Variants in PLPPR1 observed in about 807,000 individuals in gnomAD.
The protein encoded by PLPPR1 is phospholipid phosphatase-related protein type 1.
A neutral mutation model predicts 33.1 loss-of-function variants in PLPPR1; 10 were observed. The ratio of observed to expected loss-of-function variants is 0.30; its 90% CI spans 0.19 to 0.51. The LOEUF is 0.51. PLPPR1 is among the 20% of genes least tolerant of loss of function. The pLI, the probability that PLPPR1 is intolerant of heterozygous loss-of-function variation, is 0.97. For missense variants in PLPPR1, 304 were observed against 408.1 expected, an observed-to-expected ratio of 0.74 and a Z score of 2.20; for synonymous variants, 151 against 151.0, an observed-to-expected ratio of 1.00 and a Z score of 0.00.
chr9:101,119,045 T>C (rs1021622125), intron 1 of PLPPR1, among the ~76,000 whole-genome samples: 15 of 152,274 alleles, frequency 9.9e-5, no homozygotes, highest in Admixed American at 2.6e-4. Flanking sequence ...TCTCCAATAC[T>C]AAAATCAAGC....
At chr9:101,114,931 A>C (rs923352941) in intron 1 of PLPPR1, among the ~76,000 whole-genome samples, 8 of 152,204 alleles carry the variant, frequency 5.3e-5, no homozygotes, top group Non-Finnish European at 1.0e-4. Context: ...GAACTTATTC[A>C]GTACCTTTGA....
At chr9:101,189,814 G>T (rs1826263808) in intron 2 of PLPPR1, among the ~76,000 whole-genome samples, 1 of 151,926 alleles carries the variant, frequency 6.6e-6, no homozygotes, top group African/African-American at 2.4e-5. Flanking sequence ...CATTTTCTGT[G>T]CTTATGGTTT....
intron 1 of PLPPR1, among the ~76,000 whole-genome samples, chr9:101,042,507 A>T (rs1830088365): frequency 6.6e-6 from 1 of 152,154 alleles, no homozygotes; most frequent in African/African-American, 2.4e-5. Context: ...CCCTCATGCC[A>T]CATTGGACAC....
At chr9:101,050,165 C>G (rs954756395) in intron 1 of PLPPR1, among the ~76,000 whole-genome samples, 20 of 147,658 alleles carry the variant, frequency 1.4e-4, no homozygotes, top group Non-Finnish European at 4.5e-5. Context: ...AAGCAATTCT[C>G]TGAGTTTTTT....
At chr9:101,164,963 G>A (rs1231047335) in intron 1 of PLPPR1, among the ~76,000 whole-genome samples, 1 of 151,988 alleles carries the variant, frequency 6.6e-6, no homozygotes, top group African/African-American at 2.4e-5. Flanking sequence ...AGAGGGAGTT[G>A]GAGCTAAAGG....
intron 2 of PLPPR1, among the ~76,000 whole-genome samples, chr9:101,198,024 G>A (rs555968282): frequency 2.5e-4 from 38 of 152,234 alleles, no homozygotes; most frequent in African/African-American, 9.1e-4. Context: ...TCACTTGTCA[G>A]TCTTGTTTAG....
intron 3 of PLPPR1, among the ~76,000 whole-genome samples, chr9:101,272,642 T>C (rs1828121274): frequency 6.6e-6 from 1 of 152,150 alleles, no homozygotes; most frequent in Non-Finnish European, 1.5e-5. Context: ...AGGACAAGAA[T>C]AGACAACTAA....
intron 1 of PLPPR1, among the ~76,000 whole-genome samples, chr9:101,146,533 CT>C (rs1384432844): frequency 6.6e-6 from 1 of 152,192 alleles, no homozygotes; most frequent in African/African-American, 2.4e-5. Context: ...TCCTGTCCTT[CT>C]TTTGGATTAC....
rs150501345 is a variant in PLPPR1, at chr9:101,055,066, C to T, written c.-46+25964C>T. Among the ~76,000 whole-genome samples the T allele has an allele frequency of 6.2e-4, 94 of 152,298 alleles. No individual in the cohort carries two copies. The East Asian group carries it at 0.017, about 28-fold the overall frequency. ...GTTCAGTTCTTAAAATTCCAAGTCC[C>T]TTTAACTGAAAGGTTCAACTAGAAC... On this transcript the variant is annotated intron_variant, in intron 1 of 7. Transcript: ENST00000374874.
At chr9:101,154,593 C>G (rs184515948) in intron 1 of PLPPR1, among the ~76,000 whole-genome samples, 77 of 152,038 alleles carry the variant, frequency 5.1e-4, no homozygotes, top group Non-Finnish European at 9.6e-4. Context: ...ATCATTTGAC[C>G]CAGCCATCCC....
At chr9:101,251,856 G>T (rs1005538894) in intron 2 of PLPPR1, among the ~76,000 whole-genome samples, 2 of 152,098 alleles carry the variant, frequency 1.3e-5, no homozygotes, top group Non-Finnish European at 2.9e-5. Context: ...CTGTAGAACA[G>T]CATGTATATT....
At chr9:101,237,978 C>CATATATATAT (rs1464878741) in intron 2 of PLPPR1, among the ~76,000 whole-genome samples, 1 of 75,306 alleles carries the variant, frequency 1.3e-5, no homozygotes, top group African/African-American at 7.8e-5. Context: ...GGCTATATAG[C>CATATATATAT]CTATATATAT....
chr9:101,121,450 C>T (rs118018171), intron 1 of PLPPR1, among the ~76,000 whole-genome samples: 1,783 of 152,296 alleles, frequency 0.012, 12 homozygotes, highest in Middle Eastern at 0.02. Context: ...GTCTTTTCAA[C>T]GCACCAGGCC....
At chr9:101,288,636 C>A (rs1373693021) in intron 4 of PLPPR1, among the ~76,000 whole-genome samples, 1 of 152,172 alleles carries the variant, frequency 6.6e-6, no homozygotes, top group Non-Finnish European at 1.5e-5. Flanking sequence ...AGGATCCACC[C>A]AGTTGCTCAA....
At chr9:101,323,466 T>C (rs1829192356) in intron 7 of PLPPR1, among the ~76,000 whole-genome samples, 1 of 111,512 alleles carries the variant, frequency 9.0e-6, no homozygotes, top group Non-Finnish European at 1.8e-5. Context: ...GTAAACCCTG[T>C]CTCAAAAAAA....
chr9:101,174,293 A>G (rs939238505), intron 1 of PLPPR1, among the ~76,000 whole-genome samples: 4 of 152,136 alleles, frequency 2.6e-5, no homozygotes, highest in African/African-American at 9.6e-5. Context: ...ATTTTAGTGA[A>G]CTCTATTAAG....
At chr9:101,220,427 A>G (rs1394207399) in intron 2 of PLPPR1, among the ~76,000 whole-genome samples, 3 of 152,240 alleles carry the variant, frequency 2.0e-5, no homozygotes, top group African/African-American at 7.2e-5. Context: ...AAGCAGCAAT[A>G]TCAGGAAAAC....
At chr9:101,074,578 G>A (rs946690654) in intron 1 of PLPPR1, among the ~76,000 whole-genome samples, 2 of 152,032 alleles carry the variant, frequency 1.3e-5, no homozygotes, top group African/African-American at 4.8e-5. Flanking sequence ...GGAGAAACAG[G>A]TTTCCTTCCT....
rs1564015033 is a variant in PLPPR1 at position 101,246,089 on chromosome 9, T to TAG, written c.64-23790_64-23789insGA. ...ATATATATATATATATATATATATATATATATATATATATATATATAGATA... is the reference window on the plus strand; with the variant it reads ...ATATATATATATATATATATATATATAGATATATATATATATATATATAGATA... On this transcript the variant is annotated intron_variant, in intron 2 of 7. Transcript: ENST00000374874. Among the ~76,000 whole-genome samples the TAG allele has an allele frequency of 2.4e-3, 244 of 101,872 alleles. 6 individuals carry two copies. The highest frequency in any genetic ancestry group is 8.8e-3 in the African/African-American group (197 of 22,452). The allele number at this position is 101,872 out of a possible 152,430, so 66.8% of individuals were successfully genotyped here.
Sources: allele counts gnomAD v4.1 joint callset (sites outside exome capture counted in the v4.1 genomes callset), GRCh38; gene constraint gnomAD v4.1.1; transcripts MANE v1.5; gene names NCBI Gene and HGNC (gene_info 2026-07-23, HGNC 2026-07-21).